PIK3C3: variants seen among roughly 807,000 people sequenced by gnomAD.
The protein encoded by PIK3C3 is phosphatidylinositol 3-kinase catalytic subunit type 3.
In PIK3C3, 95 loss-of-function variants were observed where a neutral mutation model predicts 126.1. The ratio of observed to expected loss-of-function variants is 0.75; its 90% CI spans 0.64 to 0.89. The LOEUF (loss-of-function observed/expected upper bound fraction) is 0.89, where lower values mean the gene tolerates loss of function less well. PIK3C3 is among the 40% of genes least tolerant of loss of function. The probability of loss-of-function intolerance (pLI) is 0.00; values close to 1 mark genes in which losing one functional copy is unlikely to be tolerated. For missense variants in PIK3C3, 829 were observed against 1,063.2 expected, an observed-to-expected ratio of 0.78 and a Z score of 3.06; for synonymous variants, 374 against 360.0, an observed-to-expected ratio of 1.04 and a Z score of -0.44.
At chr18:41,966,313 G>A (rs111938644) in intron 3 of PIK3C3, among the ~76,000 whole-genome samples, 6,752 of 151,480 alleles carry the variant, frequency 0.045, 500 homozygotes, top group African/African-American at 0.15. Flanking sequence ...GGGATTACAG[G>A]CCCATGCCAC....
chr18:42,013,623 T>C (rs1428220689), intron 11 of PIK3C3, 27 bp downstream of exon 11: 1 of 1,509,222 alleles, frequency 6.6e-7, no homozygotes. Flanking sequence ...AGGACATATT[T>C]TCTAGTTTGT....
rs1190116534 is a variant in PIK3C3 at position 41,996,882 on chromosome 18, A to T, written c.984+152A>T. 9.4e-6 allele frequency: 4 copies of T among 426,776 alleles called. No individual in the cohort carries two copies. The Admixed American group carries it at 1.7e-4, about 19-fold the overall frequency. 26.4% of individuals were successfully genotyped at this position (426,776 alleles called of 1,614,324 possible). On this transcript the variant is annotated intron_variant, in intron 9 of 24. Coordinates refer to ENST00000262039, the MANE Select transcript of PIK3C3 (RefSeq NM_002647.4). ...TGAGACTCCATTTTTTAAAAAAATT[A>T]TGAAATTCTGCATACAAAGACACCT...
intron 21 of PIK3C3, chr18:42,050,354 A>G (rs921661378): frequency 2.9e-4 from 44 of 152,140 alleles, no homozygotes; most frequent in African/African-American, 9.7e-4. Flanking sequence ...CTTTAGCCCT[A>G]TGTATTTATC....
intron 3 of PIK3C3, 59 bp downstream of exon 3, chr18:41,962,691 T>C (rs1980157690): frequency 1.3e-6 from 2 of 1,528,642 alleles, no homozygotes; most frequent in East Asian, 2.3e-5. Flanking sequence ...CCTTTTCTTT[T>C]TCGGAATGAG....
At chr18:41,991,358 A>G (rs147291055) in intron 6 of PIK3C3, among the ~76,000 whole-genome samples, 1 of 152,238 alleles carries the variant, frequency 6.6e-6, no homozygotes, top group African/African-American at 2.4e-5. Context: ...CTCCATCTTT[A>G]TTTAAAATAA....
chr18:42,034,620 C>G (rs1983966920), intron 16 of PIK3C3, among the ~76,000 whole-genome samples: 1 of 152,116 alleles, frequency 6.6e-6, no homozygotes, highest in Non-Finnish European at 1.5e-5. Flanking sequence ...TTTCTATTGA[C>G]TGGCCACCAG....
Position 41,985,863 on chromosome 18 carries a change from A to G in PIK3C3, c.532-1949A>G, listed in dbSNP as rs1981448474. Among the ~76,000 whole-genome samples the G allele has an allele frequency of 2.0e-5, 3 of 152,244 alleles. No individual in the cohort carries two copies. In the South Asian group the frequency reaches 6.2e-4, roughly 32 times the overall value. On this transcript the variant is annotated intron_variant, in intron 4 of 24. Transcript: ENST00000262039. ...CAAACATAAATTCTAGAGCTAGTGA[A>G]AATGGCTTTAGAACATTTCTAATTT...
chr18:42,064,527 T>G (rs1166428767), intron 22 of PIK3C3, among the ~76,000 whole-genome samples: 1 of 152,104 alleles, frequency 6.6e-6, no homozygotes, highest in African/African-American at 2.4e-5. Context: ...TGTCCCATGG[T>G]GTAGGATTTA....
At chr18:42,035,850 G>A (rs1984025919) in intron 16 of PIK3C3, among the ~76,000 whole-genome samples, 1 of 152,138 alleles carries the variant, frequency 6.6e-6, no homozygotes, top group African/African-American at 2.4e-5. Context: ...ATTTCTAGTA[G>A]TTTTAAAAGT....
At chr18:42,068,932 A>G (rs905640708) in intron 24 of PIK3C3, among the ~76,000 whole-genome samples, 2 of 148,156 alleles carry the variant, frequency 1.3e-5, no homozygotes, top group African/African-American at 5.0e-5. Flanking sequence ...CCTGGGCAAC[A>G]GAGCGAGACT....
chr18:41,970,073 C>A (rs1980578251), intron 3 of PIK3C3, among the ~76,000 whole-genome samples: 1 of 152,174 alleles, frequency 6.6e-6, no homozygotes, highest in Admixed American at 6.6e-5. Flanking sequence ...ATCCTTCTCT[C>A]CTTCCACTCT....
In PIK3C3 at chr18:42,058,031, G is replaced by A. The variant is rs897468641; in HGVS notation, c.2412G>A (p.Thr804=). The A allele has an allele frequency of 8.8e-6, 14 of 1,586,564 alleles. No individual in the cohort carries two copies. In the African/African-American group the frequency reaches 1.2e-4, roughly 14 times the overall value. ...QYQEFRKQCY[T]AFLHLRRYSN... ...AAGAGTTCCGTAAACAGTGTTACAC[G>A]GCTTTCCTCCACCTGCGAAGGTAAG... Residue 804 remains threonine (T), a synonymous_variant, in exon 22 of 25, where the codon ACG becomes ACA. Coordinates refer to ENST00000262039, the MANE Select transcript of PIK3C3 (RefSeq NM_002647.4).
rs1746849545 is a variant in PIK3C3, at chr18:42,057,905, T to C, written c.2286T>C (p.Phe762=). The change falls in exon 22 of 25, where the codon TTT becomes TTC. Residue 762 remains phenylalanine, a synonymous_variant. Transcript: ENST00000262039. ...CAGGCAAACTCTTCCACATAGACTT[T>C]GGATATATTTTGGGTCGGGATCCAA... The part of the protein sequence containing the change: ...TKTGKLFHID[F]GYILGRDPKP... 6.2e-7 allele frequency: 1 copy of C among 1,613,630 alleles called. No individual in the cohort carries two copies. The highest frequency in any genetic ancestry group is 1.7e-4 in the Middle Eastern group (1 of 6,060).
intron 22 of PIK3C3, among the ~76,000 whole-genome samples, chr18:42,062,876 CT>C (rs1006121981): frequency 4.0e-4 from 61 of 152,158 alleles, no homozygotes; most frequent in African/African-American, 1.3e-3. Context: ...AGGCTAAATC[CT>C]TTGTGTTTTT....
At chr18:42,021,424 C>T (rs1983315755) in intron 13 of PIK3C3, among the ~76,000 whole-genome samples, 1 of 151,982 alleles carries the variant, frequency 6.6e-6, no homozygotes. Context: ...AAGCCACAAT[C>T]AGAAATATTT....
intron 24 of PIK3C3, among the ~76,000 whole-genome samples, chr18:42,075,924 T>G (rs1204564631): frequency 6.7e-6 from 1 of 149,442 alleles, no homozygotes; most frequent in African/African-American, 2.4e-5. Flanking sequence ...TCTAGTGTAG[T>G]CACCTTCATC....
intron 5 of PIK3C3, among the ~76,000 whole-genome samples, chr18:41,989,538 T>A (rs1029129162): frequency 1.3e-5 from 2 of 152,190 alleles, no homozygotes; most frequent in African/African-American, 4.8e-5. Flanking sequence ...CGTAAGATTA[T>A]AGTACTTTAT....
At chr18:42,069,462 C>G (rs982498969) in intron 24 of PIK3C3, among the ~76,000 whole-genome samples, 4 of 152,194 alleles carry the variant, frequency 2.6e-5, no homozygotes, top group Admixed American at 2.0e-4. Flanking sequence ...ATTTTTTAAA[C>G]CAGATCTTTT....
At chr18:42,055,173 C>T (rs1264596941) in intron 21 of PIK3C3, among the ~76,000 whole-genome samples, 1 of 151,966 alleles carries the variant, frequency 6.6e-6, no homozygotes, top group Non-Finnish European at 1.5e-5. Context: ...TGAGTGAGCT[C>T]TTCTGTTAGT....
Sources: allele counts gnomAD v4.1 joint callset (sites outside exome capture counted in the v4.1 genomes callset), GRCh38; gene constraint gnomAD v4.1.1; transcripts MANE v1.5; gene names NCBI Gene and HGNC (gene_info 2026-07-23, HGNC 2026-07-21).